CTNNA2: variants seen among roughly 807,000 people sequenced by gnomAD.
CTNNA2 encodes the protein catenin alpha 2.
Under a neutral mutation model 101.0 loss-of-function variants are expected in CTNNA2, and 42 were observed. That is an observed-to-expected ratio of 0.42 (90% confidence interval 0.32 to 0.54). The LOEUF (loss-of-function observed/expected upper bound fraction) is 0.54. Among genes scored for constraint, CTNNA2 ranks in the 20% least tolerant of loss-of-function variants. CTNNA2 has a pLI of 0.14. For synonymous variants in CTNNA2, 450 were observed against 456.4 expected (o/e 0.99, Z 0.18); for missense variants, 871 against 1,223.1 (o/e 0.71, Z 4.29).
In CTNNA2 at chr2:80,303,009, T is replaced by C. The variant is rs1676507073; in HGVS notation, c.1057-90202T>C. The C allele has an allele frequency of 6.2e-7, 1 of 1,613,620 alleles. No homozygotes were observed. The highest frequency in any genetic ancestry group is 2.2e-5 in the East Asian group (1 of 44,814). The stretch of plus-strand genomic sequence containing the variant: ...ACGGTCTCGAACACATGGGGCTCCA[T>C]GTACTCGATCTCGTTGCCCGACAAG... On this transcript the variant is annotated intron_variant, in intron 7 of 18. Transcript: ENST00000402739. This position sits in a 1 kb window ranked among gnomAD's most constrained non-coding sequence, Gnocchi z 7.7.
At chr2:79,672,708 C>CTTT (rs768344475) in intron 2 of CTNNA2, among the ~76,000 whole-genome samples, 4 of 134,338 alleles carry the variant, frequency 3.0e-5, no homozygotes, top group Non-Finnish European at 4.8e-5. Flanking sequence ...TTTCTTTTTT[C>CTTT]TTTTTTTTTT....
At chr2:80,472,820 G>A (rs537349357) in intron 9 of CTNNA2, among the ~76,000 whole-genome samples, 9 of 152,238 alleles carry the variant, frequency 5.9e-5, no homozygotes, top group East Asian at 1.9e-4. Context: ...ACATTCTCCC[G>A]TAGAACAGGG....
At position 79,271,851 on chromosome 2, in the gene CTNNA2, C is replaced by G. The variant is rs988508399; in HGVS notation, c.-405-40858C>G. Among the ~76,000 whole-genome samples the G allele has an allele frequency of 6.6e-5, 10 of 151,992 alleles. No individual in the cohort carries two copies. The South Asian group carries it at 2.1e-3, about 32-fold the overall frequency. On this transcript the variant is annotated intron_variant, in intron 2 of 21. Transcript: ENST00000466387. ...ATTACCCTTTGGCTCCATCCCTATC[C>G]CAGGTGAATAGCAGGTATATTTTTT... is the stretch of plus-strand genomic sequence containing the variant.
rs570274575 is a variant in CTNNA2 at position 79,863,481 on chromosome 2, G to T, written c.465+5302G>T. Among the ~76,000 whole-genome samples, 3 of 152,294 alleles carry T rather than the reference G, an allele frequency of 2.0e-5. No homozygotes were observed. The East Asian group carries it at 5.8e-4, about 29-fold the overall frequency. On this transcript the variant is annotated intron_variant, in intron 4 of 18. Coordinates refer to ENST00000402739, the MANE Select transcript of CTNNA2 (RefSeq NM_001282597.3). ...TCGGAGTCTCAAGTCCAAGCTGGGG[G>T]CTGAAAGTTGGGGATAAGTGGAAAG...
At chr2:80,415,617 TA>T (rs1189713973) in intron 8 of CTNNA2, among the ~76,000 whole-genome samples, 1 of 152,172 alleles carries the variant, frequency 6.6e-6, no homozygotes, top group Non-Finnish European at 1.5e-5. Flanking sequence ...TGTGGGAATG[TA>T]AATTAGTACA....
rs1224425296 is a variant in CTNNA2 at position 80,305,653 on chromosome 2, A to G, written c.1057-87558A>G. Among the ~76,000 whole-genome samples, 3 of 151,958 alleles carry G rather than the reference A, an allele frequency of 2.0e-5. No individual in the cohort carries two copies. The South Asian group carries it at 6.2e-4, about 32-fold the overall frequency. ...GAGAAGCCTTTGCCTCATTATTTCTATTCATAATCATTTATAGATAGGAGT... is the reference window on the plus strand; with the variant it reads ...GAGAAGCCTTTGCCTCATTATTTCTGTTCATAATCATTTATAGATAGGAGT... On this transcript the variant is annotated intron_variant, in intron 7 of 18. Transcript: ENST00000402739.
intron 2 of CTNNA2, among the ~76,000 whole-genome samples, chr2:79,274,061 A>G (rs1675150203): frequency 1.3e-5 from 2 of 152,012 alleles, no homozygotes; most frequent in South Asian, 4.1e-4. Context: ...TGTTTCTGGA[A>G]ATTGCTAATA....
chr2:79,849,563 T>C (rs186447985), intron 3 of CTNNA2, among the ~76,000 whole-genome samples: 97 of 152,242 alleles, frequency 6.4e-4, no homozygotes, highest in African/African-American at 2.0e-3. Context: ...ATAGCCACCC[T>C]GGGGTGAAAT....
chr2:79,312,736 A>G (rs1676410078), exon 3 of CTNNA2: 1 of 152,186 alleles, frequency 6.6e-6, no homozygotes. Context: ...GATGTTTGTC[A>G]CAATTCTAAT....
intron 9 of CTNNA2, among the ~76,000 whole-genome samples, chr2:80,434,149 C>T (rs1384814237): frequency 1.3e-5 from 2 of 152,154 alleles, no homozygotes; most frequent in Non-Finnish European, 2.9e-5. Flanking sequence ...AGCATCAAAG[C>T]TAATATTTCT....
intron 2 of CTNNA2, among the ~76,000 whole-genome samples, chr2:79,283,311 T>A (rs980058764): frequency 1.8e-5 from 2 of 111,920 alleles, no homozygotes; most frequent in African/African-American, 5.4e-5. Flanking sequence ...GCTTTTGGTG[T>A]TTTGGACATG....
intron 7 of CTNNA2, among the ~76,000 whole-genome samples, chr2:79,925,444 T>C (rs1209262085): frequency 6.6e-6 from 1 of 152,136 alleles, no homozygotes; most frequent in African/African-American, 2.4e-5. Flanking sequence ...TTGTGATATA[T>C]TCCTAATGTA....
At chr2:80,569,633 GTTTTTTTTTTTTTTT>G (rs70940088) in intron 12 of CTNNA2, among the ~76,000 whole-genome samples, 1 of 51,718 alleles carries the variant, frequency 1.9e-5, no homozygotes, top group African/African-American at 6.1e-5. Context: ...GGGTATTTAG[GTTTTTTTTTTTTTTT>G]TTTTTTTTTT....
chr2:79,998,983 G>A (rs946052802), intron 7 of CTNNA2, among the ~76,000 whole-genome samples: 1 of 152,034 alleles, frequency 6.6e-6, no homozygotes, highest in African/African-American at 2.4e-5. Context: ...TAGGACATTA[G>A]GGATTGAAGA....
At chr2:79,991,368 C>G (rs1692166234) in intron 7 of CTNNA2, among the ~76,000 whole-genome samples, 1 of 151,498 alleles carries the variant, frequency 6.6e-6, no homozygotes, top group South Asian at 2.1e-4. Context: ...CCTTTTTTTT[C>G]CATGAGCTTT....
intron 7 of CTNNA2, among the ~76,000 whole-genome samples, chr2:80,122,540 T>C (rs543586307): frequency 1.2e-4 from 19 of 152,332 alleles, no homozygotes; most frequent in African/African-American, 4.6e-4. Context: ...ATTTTCAAGC[T>C]GTTTCCAGAG....
chr2:79,279,344 G>C (rs1458064205), intron 2 of CTNNA2, among the ~76,000 whole-genome samples: 1 of 152,048 alleles, frequency 6.6e-6, no homozygotes, highest in Non-Finnish European at 1.5e-5. Context: ...AAGTGAATGA[G>C]GGGAGGAAAT....
At chr2:79,439,949 T>C (rs2104517408) in intron 4 of CTNNA2, among the ~76,000 whole-genome samples, 1 of 152,242 alleles carries the variant, frequency 6.6e-6, no homozygotes, top group African/African-American at 2.4e-5. Context: ...CATGCGAAGG[T>C]AAACTATTAG....
chr2:79,471,410 A>G (rs1328210000), intron 4 of CTNNA2, among the ~76,000 whole-genome samples: 3 of 152,152 alleles, frequency 2.0e-5, no homozygotes, highest in Admixed American at 6.5e-5. Context: ...GTGAAAGCCA[A>G]CTTCTCCTTA....
Sources: allele counts gnomAD v4.1 joint callset (sites outside exome capture counted in the v4.1 genomes callset), GRCh38; gene constraint gnomAD v4.1.1; non-coding constraint Gnocchi (gnomAD v3.1); transcripts MANE v1.5; gene names NCBI Gene and HGNC (gene_info 2026-07-23, HGNC 2026-07-21).